Variants in AUTS2 observed in about 807,000 individuals in gnomAD.
AUTS2 encodes the protein activator of transcription and developmental regulator AUTS2, also known as autism susceptibility gene 2 protein.
Under a neutral mutation model 112.4 loss-of-function variants are expected in AUTS2, and 17 were observed. The ratio of observed to expected loss-of-function variants is 0.15; its 90% CI spans 0.10 to 0.23. The LOEUF (loss-of-function observed/expected upper bound fraction) is 0.23, where lower values mean the gene tolerates loss of function less well. Ranked by LOEUF, AUTS2 falls within the 10% of genes least tolerant of loss-of-function variation. AUTS2 has a pLI of 1.00. For missense variants in AUTS2, 1,510 were observed against 1,701.6 expected, an observed-to-expected ratio of 0.89 and a Z score of 1.98; for synonymous variants, 751 against 702.7, an observed-to-expected ratio of 1.07 and a Z score of -1.09.
intron 1 of AUTS2, among the ~76,000 whole-genome samples, chr7:69,628,847 C>T (rs538362225): frequency 2.1e-4 from 32 of 152,168 alleles, no homozygotes; most frequent in African/African-American, 7.0e-4. Context: ...GGATACAGAC[C>T]CAAACTATAT....
chr7:70,053,131 A>C (rs1045902976), intron 2 of AUTS2, among the ~76,000 whole-genome samples: 2 of 152,236 alleles, frequency 1.3e-5, no homozygotes, highest in Non-Finnish European at 2.9e-5. Context: ...ATATAAAATA[A>C]GAGAAATTAC....
intron 5 of AUTS2, among the ~76,000 whole-genome samples, chr7:70,451,264 C>T (rs1433634864): frequency 6.6e-6 from 1 of 152,062 alleles, no homozygotes; most frequent in East Asian, 1.9e-4. Context: ...TATTGGGTAC[C>T]ATGCTCACTA....
chr7:69,962,714 A>G (rs962819038), intron 2 of AUTS2, among the ~76,000 whole-genome samples: 16 of 150,080 alleles, frequency 1.1e-4, no homozygotes, highest in African/African-American at 2.2e-4. Context: ...ATGTATGTGT[A>G]TGTGTGTGTG....
chr7:69,963,438 T>C (rs1797510266), intron 2 of AUTS2, among the ~76,000 whole-genome samples: 1 of 152,118 alleles, frequency 6.6e-6, no homozygotes, highest in African/African-American at 2.4e-5. Context: ...TTCCCTTCCT[T>C]ATAGGATGTC....
chr7:70,624,714 C>T (rs1804848057), intron 5 of AUTS2, among the ~76,000 whole-genome samples: 2 of 152,142 alleles, frequency 1.3e-5, no homozygotes, highest in African/African-American at 2.4e-5. Flanking sequence ...CACTGTGCCC[C>T]GCGTGGGAAG....
intron 1 of AUTS2, among the ~76,000 whole-genome samples, chr7:69,673,110 TTA>T (rs2129158379): frequency 6.6e-6 from 1 of 152,320 alleles, no homozygotes; most frequent in Non-Finnish European, 1.5e-5. Context: ...TTTCCTACTT[TTA>T]TGTTTCCCTG....
chr7:69,889,571 A>G (rs1447912306), intron 1 of AUTS2, among the ~76,000 whole-genome samples: 1 of 152,204 alleles, frequency 6.6e-6, no homozygotes, highest in Non-Finnish European at 1.5e-5. Flanking sequence ...CAGATGACTA[A>G]TGAGCACATT....
intron 1 of AUTS2, among the ~76,000 whole-genome samples, chr7:69,843,190 A>G (rs1792055506): frequency 6.6e-6 from 1 of 152,292 alleles, no homozygotes; most frequent in African/African-American, 2.4e-5. Context: ...GGTAGACTTC[A>G]GCTCTTCCAA....
intron 1 of AUTS2, among the ~76,000 whole-genome samples, chr7:69,758,953 C>T (rs768343325): frequency 5.9e-5 from 9 of 152,122 alleles, no homozygotes; most frequent in Non-Finnish European, 1.2e-4. Flanking sequence ...TTTCTCTCTA[C>T]ATTAGACAAA....
chr7:69,649,458 C>T (rs1391765294), intron 1 of AUTS2, among the ~76,000 whole-genome samples: 2 of 152,122 alleles, frequency 1.3e-5, no homozygotes, highest in East Asian at 3.9e-4. Context: ...TTGCCAACAA[C>T]CCGTGGTCCA....
At chr7:70,357,135 A>G (rs1203047871) in intron 4 of AUTS2, among the ~76,000 whole-genome samples, 1 of 152,164 alleles carries the variant, frequency 6.6e-6, no homozygotes, top group African/African-American at 2.4e-5. Flanking sequence ...AACTGGAGGC[A>G]GATTTGGCAG....
intron 4 of AUTS2, among the ~76,000 whole-genome samples, chr7:70,279,341 A>G (rs1435906338): frequency 6.6e-6 from 1 of 152,204 alleles, no homozygotes; most frequent in Non-Finnish European, 1.5e-5. Context: ...GATTTTGGAA[A>G]GTTCAGATGT....
At chr7:69,729,337 T>G (rs1049022561) in intron 1 of AUTS2, among the ~76,000 whole-genome samples, 1 of 150,220 alleles carries the variant, frequency 6.7e-6, no homozygotes, top group Non-Finnish European at 1.5e-5. Context: ...TTAATAGCAT[T>G]TTTTTTTTGT....
chr7:69,765,706 G>A (rs1191147277), intron 1 of AUTS2, among the ~76,000 whole-genome samples: 6 of 152,154 alleles, frequency 3.9e-5, no homozygotes, highest in Non-Finnish European at 2.9e-5. Context: ...TTGGGAGTCC[G>A]AAGCGGGAGG....
chr7:70,168,003 C>T (rs1292117379), intron 4 of AUTS2, among the ~76,000 whole-genome samples: 6 of 152,140 alleles, frequency 3.9e-5, no homozygotes, highest in South Asian at 2.1e-4. Flanking sequence ...GGCATAAGGA[C>T]GTACTAAGTC....
chr7:69,813,478 T>C (rs914536884), intron 1 of AUTS2, among the ~76,000 whole-genome samples: 3 of 152,182 alleles, frequency 2.0e-5, no homozygotes, highest in African/African-American at 7.2e-5. Flanking sequence ...CCCCATTGGA[T>C]AGATGGCTGA....
At chr7:69,717,263 G>T (rs749571922) in intron 1 of AUTS2, among the ~76,000 whole-genome samples, 1 of 152,180 alleles carries the variant, frequency 6.6e-6, no homozygotes, top group Non-Finnish European at 1.5e-5. Flanking sequence ...TTATTTATAT[G>T]GGGTCAGGTA....
At chr7:69,890,530 A>G (rs1794474195) in intron 1 of AUTS2, among the ~76,000 whole-genome samples, 1 of 152,184 alleles carries the variant, frequency 6.6e-6, no homozygotes, top group Non-Finnish European at 1.5e-5. Context: ...TTTACATTTT[A>G]GGAGCAGTAA....
chr7:70,674,630 C>T lies in AUTS2; in HGVS notation c.691-23939C>T, dbSNP rs186309173. The stretch of plus-strand genomic sequence containing the variant: ...ACCTGGCCTTCTCCACCTCCTCTGC[C>T]GCTGCACCACTTCAAAAGCAGCTGC... On this transcript the variant is annotated intron_variant, in intron 5 of 18. Coordinates refer to ENST00000342771, the MANE Select transcript of AUTS2 (RefSeq NM_015570.4). 2.9e-3 allele frequency among the ~76,000 whole-genome samples: 443 copies of T among 152,312 alleles called. 12 individuals are homozygous for T. Among genetic ancestry groups the T allele is most frequent in the Non-Finnish European group, 4.7e-4 (32 of 68,024 alleles).
Sources: gnomAD v4.1 joint callset for allele counts (sites outside exome capture counted in the v4.1 genomes callset) on GRCh38, gnomAD v4.1.1 for gene constraint, MANE v1.5 for transcripts, NCBI Gene and HGNC (gene_info 2026-07-23, HGNC 2026-07-21) for gene names.